Variants in DLG2 observed in about 807,000 individuals in gnomAD.
DLG2 encodes the protein disks large homolog 2.
In DLG2, 45 loss-of-function variants were observed where a neutral mutation model predicts 132.5. The ratio of observed to expected loss-of-function variants is 0.34; its 90% CI spans 0.27 to 0.44. The LOEUF (loss-of-function observed/expected upper bound fraction) is 0.44. Among genes scored for constraint, DLG2 ranks in the 20% least tolerant of loss-of-function variants. The probability of loss-of-function intolerance (pLI) is 1.00; values close to 1 mark genes in which losing one functional copy is unlikely to be tolerated. For missense variants in DLG2, 1,045 were observed against 1,196.9 expected, an observed-to-expected ratio of 0.87 and a Z score of 1.87; for synonymous variants, 424 against 419.6, an observed-to-expected ratio of 1.01 and a Z score of -0.13.
chr11:85,163,381 T>A (rs1328354948), intron 4 of DLG2, among the ~76,000 whole-genome samples: 2 of 152,158 alleles, frequency 1.3e-5, no homozygotes, highest in Non-Finnish European at 1.5e-5. Context: ...TCTGAAGAAC[T>A]CTAATTGGCC....
chr11:84,661,271 A>T (rs1203961256), intron 6 of DLG2, among the ~76,000 whole-genome samples: 1 of 152,168 alleles, frequency 6.6e-6, no homozygotes, highest in Non-Finnish European at 1.5e-5. Context: ...GGGCACTTGA[A>T]TAAAAATGAA....
At chr11:83,901,040 T>C (rs938579014) in intron 15 of DLG2, among the ~76,000 whole-genome samples, 5 of 152,208 alleles carry the variant, frequency 3.3e-5, no homozygotes, top group African/African-American at 9.7e-5. Context: ...AGCTCTACAA[T>C]TTGACTGCCT....
chr11:84,910,725 C>T (rs577596910), intron 6 of DLG2, among the ~76,000 whole-genome samples: 2 of 151,844 alleles, frequency 1.3e-5, no homozygotes, highest in African/African-American at 4.8e-5. Context: ...CCTGCCTGGG[C>T]AATATAGCGA....
chr11:85,304,473 A>AC (rs1212135341), intron 3 of DLG2, among the ~76,000 whole-genome samples: 1 of 152,108 alleles, frequency 6.6e-6, no homozygotes, highest in African/African-American at 2.4e-5. Context: ...AAAATTCAAT[A>AC]TTTTTGAAAA....
chr11:83,973,507 G>T (rs1416108777), intron 12 of DLG2, among the ~76,000 whole-genome samples: 2 of 152,030 alleles, frequency 1.3e-5, no homozygotes, highest in Non-Finnish European at 2.9e-5. Flanking sequence ...TTTTGAGAGT[G>T]AACTGTTCTA....
chr11:83,698,772 C>T (rs1331606649), intron 18 of DLG2, among the ~76,000 whole-genome samples: 5 of 152,198 alleles, frequency 3.3e-5, no homozygotes, highest in Admixed American at 2.6e-4. Flanking sequence ...CCTACGTTAT[C>T]TCTTCCACAT....
At chr11:83,576,120 G>A (rs1179597978) in intron 19 of DLG2, among the ~76,000 whole-genome samples, 1 of 152,104 alleles carries the variant, frequency 6.6e-6, no homozygotes, top group African/African-American at 2.4e-5. Context: ...TGAAAAATAT[G>A]CTGAATAGAA....
At chr11:83,880,776 T>G (rs1336777859) in intron 15 of DLG2, among the ~76,000 whole-genome samples, 1 of 152,214 alleles carries the variant, frequency 6.6e-6, no homozygotes, top group Non-Finnish European at 1.5e-5. Flanking sequence ...CTGTTACACA[T>G]GTGGGAAATA....
intron 3 of DLG2, among the ~76,000 whole-genome samples, chr11:85,465,480 G>A (rs1261131587): frequency 4.6e-5 from 7 of 151,764 alleles, no homozygotes; most frequent in African/African-American, 9.7e-5. Context: ...AACAGGCCCT[G>A]GTGTGTGATG....
chr11:85,616,308 G>A (rs977164983), intron 2 of DLG2, among the ~76,000 whole-genome samples: 1 of 151,958 alleles, frequency 6.6e-6, no homozygotes, highest in Non-Finnish European at 1.5e-5. Context: ...ATATAGTAAG[G>A]GGGAAAAAAG....
At chr11:85,221,208 A>G (rs553112546) in intron 4 of DLG2, among the ~76,000 whole-genome samples, 1 of 151,880 alleles carries the variant, frequency 6.6e-6, no homozygotes, top group African/African-American at 2.4e-5. Flanking sequence ...ACACCCGGCT[A>G]ATTTTTTGTA....
intron 21 of DLG2, among the ~76,000 whole-genome samples, chr11:83,484,693 C>G (rs2093386298): frequency 6.6e-6 from 1 of 152,124 alleles, no homozygotes; most frequent in East Asian, 1.9e-4. Context: ...TTATCACCAT[C>G]AGGTAGAAAA....
intron 2 of DLG2, among the ~76,000 whole-genome samples, chr11:85,617,411 T>C (rs10501593): frequency 0.063 from 9,618 of 152,286 alleles, 985 homozygotes; most frequent in African/African-American, 0.22. Context: ...GAGTGTTCCT[T>C]GTCTGTTTTC....
rs779637224 is a variant in DLG2 at position 84,923,054 on chromosome 11, G to A, written c.357+188607C>T. ...TGGTTTAACATGTATATTGTGCCCAGTTGCCGGCTCGCCTCCTCTTACCTT... is the reference window on the plus strand; with the variant it reads ...TGGTTTAACATGTATATTGTGCCCAATTGCCGGCTCGCCTCCTCTTACCTT... On this transcript the variant is annotated intron_variant, in intron 6 of 27. Transcript: ENST00000376104. The A allele has an allele frequency of 6.2e-6, 10 of 1,613,980 alleles. No homozygotes were observed. The Admixed American group carries it at 1.7e-4, about 27-fold the overall frequency.
At chr11:84,188,110 G>A (rs2096319541) in intron 8 of DLG2, among the ~76,000 whole-genome samples, 1 of 152,178 alleles carries the variant, frequency 6.6e-6, no homozygotes, top group East Asian at 1.9e-4. Context: ...GTGGTCTTAT[G>A]AAAAATAACA....
chr11:84,574,244 G>A (rs945619493), intron 6 of DLG2, among the ~76,000 whole-genome samples: 4 of 151,828 alleles, frequency 2.6e-5, no homozygotes, highest in Non-Finnish European at 4.4e-5. Flanking sequence ...GAAGAGAAAG[G>A]TCTCTATACT....
intron 3 of DLG2, among the ~76,000 whole-genome samples, chr11:85,407,493 T>G (rs550547479): frequency 2.0e-5 from 3 of 151,986 alleles, no homozygotes; most frequent in Admixed American, 2.0e-4. Context: ...ACCAAACAAC[T>G]GCTGTGTGTC....
At chr11:84,289,559 A>G (rs2097957661) in intron 7 of DLG2, among the ~76,000 whole-genome samples, 1 of 151,986 alleles carries the variant, frequency 6.6e-6, no homozygotes, top group East Asian at 1.9e-4. Context: ...GTCTAGAGAT[A>G]GAGTTAGAAG....
intron 6 of DLG2, among the ~76,000 whole-genome samples, chr11:85,094,038 C>T (rs951060758): frequency 2.6e-5 from 4 of 152,204 alleles, no homozygotes; most frequent in East Asian, 1.9e-4. Flanking sequence ...AATCCCTTTC[C>T]CAGAATTAAG....
Sources: allele counts gnomAD v4.1 joint callset (sites outside exome capture counted in the v4.1 genomes callset), GRCh38; gene constraint gnomAD v4.1.1; transcripts MANE v1.5; gene names NCBI Gene and HGNC (gene_info 2026-07-23, HGNC 2026-07-21).